The following GRIP1 variants were observed in gnomAD, a reference collection of about 807,000 sequenced individuals.
GRIP1 encodes the protein glutamate receptor interacting protein 1.
Under a neutral mutation model 129.9 loss-of-function variants are expected in GRIP1, and 45 were observed. The observed-to-expected ratio is 0.35, with a 90% confidence interval of 0.27 to 0.44. The LOEUF (loss-of-function observed/expected upper bound fraction) is 0.44. Among genes scored for constraint, GRIP1 ranks in the 20% least tolerant of loss-of-function variants. The pLI is 1.00. For missense variants in GRIP1, 1,196 were observed against 1,396.8 expected, an observed-to-expected ratio of 0.86 and a Z score of 2.29; for synonymous variants, 530 against 520.8, an observed-to-expected ratio of 1.02 and a Z score of -0.24.
intron 19 of GRIP1, among the ~76,000 whole-genome samples, chr12:66,386,399 C>G (rs994813707): frequency 6.6e-6 from 1 of 152,062 alleles, no homozygotes; most frequent in African/African-American, 2.4e-5. Flanking sequence ...TTTGGGAGGC[C>G]GAGGCAGGTG....
intron 13 of GRIP1, among the ~76,000 whole-genome samples, chr12:66,437,236 C>T (rs1389000501): frequency 6.6e-6 from 1 of 152,152 alleles, no homozygotes; most frequent in Non-Finnish European, 1.5e-5. Flanking sequence ...TCCAGTGATT[C>T]CCCACCAATG....
chr12:66,664,449 T>C (rs1175187312), intron 1 of GRIP1, among the ~76,000 whole-genome samples: 1 of 152,170 alleles, frequency 6.6e-6, no homozygotes, highest in East Asian at 1.9e-4. Flanking sequence ...CCAGGTATGA[T>C]TATGTCTTCA....
At chr12:66,380,294 C>A (rs2056045735) in intron 19 of GRIP1, among the ~76,000 whole-genome samples, 1 of 152,104 alleles carries the variant, frequency 6.6e-6, no homozygotes, top group Admixed American at 6.6e-5. Context: ...AAGACTTGTT[C>A]CTGTGATGAG....
intron 1 of GRIP1, among the ~76,000 whole-genome samples, chr12:66,901,058 T>A (rs965803704): frequency 1.3e-5 from 2 of 152,220 alleles, no homozygotes; most frequent in Non-Finnish European, 2.9e-5. Flanking sequence ...ATCAGCTGCA[T>A]GGAAATTTAT....
In GRIP1 at chr12:66,539,052, T is replaced by C. The variant is rs66522623; in HGVS notation, c.418+26A>G. The C allele has an allele frequency of 0.26, 417,375 of 1,596,014 alleles. 55,682 individuals are homozygous for C. The highest frequency in any genetic ancestry group is 0.28 in the Middle Eastern group (1,678 of 6,032). On this transcript the variant is annotated intron_variant, in intron 4 of 24. Transcript: ENST00000359742. Reference sequence around the variant, plus strand: ...TGGGGGTCTTGGAATGTATCCCCTATGGATAAGGGGGGCTACTGTACTTAC... The same window carrying C: ...TGGGGGTCTTGGAATGTATCCCCTACGGATAAGGGGGGCTACTGTACTTAC...
chr12:66,718,932 T>A (rs1422642214), intron 1 of GRIP1, among the ~76,000 whole-genome samples: 1 of 152,136 alleles, frequency 6.6e-6, no homozygotes, highest in Non-Finnish European at 1.5e-5. Flanking sequence ...AAATGTTTCC[T>A]ACATATTTTT....
At chr12:66,869,265 T>C (rs1180039379) in intron 1 of GRIP1, among the ~76,000 whole-genome samples, 3 of 152,006 alleles carry the variant, frequency 2.0e-5, no homozygotes, top group South Asian at 2.1e-4. Flanking sequence ...CACTGCTGGG[T>C]AGAAAGGCAA....
intron 4 of GRIP1, among the ~76,000 whole-genome samples, chr12:66,538,408 C>T (rs748180994): frequency 6.6e-5 from 10 of 151,566 alleles, no homozygotes; most frequent in African/African-American, 9.7e-5. Context: ...GTTGCCCAGG[C>T]TGGTCTTCAA....
At chr12:66,801,297 T>C (rs1398419868) in intron 1 of GRIP1, among the ~76,000 whole-genome samples, 3 of 152,042 alleles carry the variant, frequency 2.0e-5, no homozygotes. Context: ...TGAAAGCAGT[T>C]TTTAAAAAAA....
intron 5 of GRIP1, among the ~76,000 whole-genome samples, chr12:66,525,882 C>T (rs1033381708): frequency 1.3e-5 from 2 of 151,724 alleles, no homozygotes; most frequent in African/African-American, 4.8e-5. Flanking sequence ...TCTTATACAC[C>T]AATAACAGAC....
At chr12:67,038,919 G>A (rs1037501823) in intron 1 of GRIP1, among the ~76,000 whole-genome samples, 1 of 151,876 alleles carries the variant, frequency 6.6e-6, no homozygotes, top group South Asian at 2.1e-4. Flanking sequence ...CTATACACAT[G>A]CCCTAAAGTA....
At chr12:66,738,054 C>T (rs1040221109) in intron 1 of GRIP1, among the ~76,000 whole-genome samples, 1 of 151,984 alleles carries the variant, frequency 6.6e-6, no homozygotes, top group African/African-American at 2.4e-5. Context: ...GCCTGGGACC[C>T]CCTGGCTGGA....
At chr12:66,721,688 T>C (rs1160617415) in intron 1 of GRIP1, among the ~76,000 whole-genome samples, 1 of 152,212 alleles carries the variant, frequency 6.6e-6, no homozygotes, top group African/African-American at 2.4e-5. Context: ...TTGACTTCTC[T>C]CTAGCTAGGA....
intron 1 of GRIP1, among the ~76,000 whole-genome samples, chr12:66,881,784 G>A (rs1566063416): frequency 6.6e-6 from 1 of 151,968 alleles, no homozygotes; most frequent in Non-Finnish European, 1.5e-5. Flanking sequence ...GGGCTGTTGG[G>A]AATAAAAAGA....
chr12:66,701,725 C>G (rs2035360551), intron 1 of GRIP1, among the ~76,000 whole-genome samples: 1 of 152,196 alleles, frequency 6.6e-6, no homozygotes, highest in Non-Finnish European at 1.5e-5. Context: ...CTCTTACATA[C>G]TAATCTGAGC....
chr12:66,445,149 T>C (rs2058584918), intron 12 of GRIP1, among the ~76,000 whole-genome samples, 173 bp downstream of exon 12: 1 of 152,242 alleles, frequency 6.6e-6, no homozygotes, highest in South Asian at 2.1e-4. Context: ...GCATCCATGC[T>C]CATTACTCTT....
chr12:66,517,873 G>C (rs1246750303), intron 6 of GRIP1, 28 bp downstream of exon 6: 3 of 1,160,282 alleles, frequency 2.6e-6, no homozygotes, highest in East Asian at 4.7e-5. Flanking sequence ...TTCTATTTTG[G>C]ATAGTGACAC....
intron 1 of GRIP1, among the ~76,000 whole-genome samples, chr12:66,897,204 A>G (rs564640452): frequency 6.6e-6 from 1 of 152,344 alleles, no homozygotes; most frequent in African/African-American, 2.4e-5. Context: ...CCCACCACCC[A>G]GGAGGCACTC....
intron 1 of GRIP1, among the ~76,000 whole-genome samples, chr12:66,951,358 A>G (rs2041753857): frequency 6.6e-6 from 1 of 152,168 alleles, no homozygotes; most frequent in Admixed American, 6.5e-5. Context: ...AATGAGAAGA[A>G]CATTTCAGGC....
Sources: allele counts gnomAD v4.1 joint callset (sites outside exome capture counted in the v4.1 genomes callset), GRCh38; gene constraint gnomAD v4.1.1; transcripts MANE v1.5; gene names NCBI Gene and HGNC (gene_info 2026-07-23, HGNC 2026-07-21).